Variants in NAALADL2 observed in about 807,000 individuals in gnomAD.
NAALADL2 encodes N-acetylated alpha-linked acidic dipeptidase like 2.
In NAALADL2, 76 loss-of-function variants were observed where a neutral mutation model predicts 87.2. That is an observed-to-expected ratio of 0.87 (90% CI 0.72 to 1.05). NAALADL2 has a LOEUF of 1.05. Ranked by LOEUF, NAALADL2 falls within the 50% of genes least tolerant of loss-of-function variation. The pLI is 0.00. For missense variants in NAALADL2, 1,089 were observed against 945.8 expected, an observed-to-expected ratio of 1.15 and a Z score of -1.99; for synonymous variants, 354 against 331.0, an observed-to-expected ratio of 1.07 and a Z score of -0.75.
intron 5 of NAALADL2, among the ~76,000 whole-genome samples, chr3:175,336,315 A>G (rs1010721892): frequency 6.6e-6 from 1 of 152,210 alleles, no homozygotes; most frequent in South Asian, 2.1e-4. Flanking sequence ...AAAGCACTAC[A>G]GTCTGTAAAA....
intron 10 of NAALADL2, among the ~76,000 whole-genome samples, chr3:175,614,732 T>C (rs890193343): frequency 1.3e-5 from 2 of 152,210 alleles, no homozygotes; most frequent in African/African-American, 4.8e-5. Context: ...TATGAGTGCA[T>C]GCATAAAACT....
At chr3:174,976,915 G>T (rs532576514) in intron 1 of NAALADL2, among the ~76,000 whole-genome samples, 2 of 152,172 alleles carry the variant, frequency 1.3e-5, no homozygotes, top group Admixed American at 6.5e-5. Context: ...TATTGCTTCC[G>T]TATGTTTGGA....
chr3:174,748,432 C>T (rs1346348232), intron 3 of NAALADL2, among the ~76,000 whole-genome samples: 3 of 151,408 alleles, frequency 2.0e-5, no homozygotes. Flanking sequence ...GAACTCAGCT[C>T]TTCTGGTACC....
At chr3:175,400,440 G>C (rs1770418293) in intron 5 of NAALADL2, among the ~76,000 whole-genome samples, 1 of 151,966 alleles carries the variant, frequency 6.6e-6, no homozygotes, top group African/African-American at 2.4e-5. Flanking sequence ...CCTTCTTTGA[G>C]GCCATTTCTT....
chr3:175,621,176 G>A (rs1726184232), intron 10 of NAALADL2, among the ~76,000 whole-genome samples: 1 of 152,136 alleles, frequency 6.6e-6, no homozygotes. Flanking sequence ...TGAAGGTCAG[G>A]TTTCACTGGG....
chr3:175,535,615 TG>T (rs1357575254), intron 9 of NAALADL2, among the ~76,000 whole-genome samples: 2 of 152,146 alleles, frequency 1.3e-5, no homozygotes, highest in African/African-American at 2.4e-5. Flanking sequence ...TTTGTTTTTG[TG>T]GGGGGCAATG....
chr3:175,105,970 A>G (rs1192204836), intron 2 of NAALADL2, among the ~76,000 whole-genome samples: 1 of 151,956 alleles, frequency 6.6e-6, no homozygotes, highest in South Asian at 2.1e-4. Context: ...GTCTTTTTTT[A>G]TCCTGTTAGT....
chr3:174,742,093 C>T (rs1014957787), intron 3 of NAALADL2, among the ~76,000 whole-genome samples: 1 of 151,578 alleles, frequency 6.6e-6, no homozygotes, highest in African/African-American at 2.4e-5. Context: ...ACTCTTATTT[C>T]TCTCTTTCAT....
chr3:175,659,241 C>A (rs548960095), intron 11 of NAALADL2, among the ~76,000 whole-genome samples: 8 of 152,082 alleles, frequency 5.3e-5, no homozygotes, highest in African/African-American at 1.9e-4. Flanking sequence ...AATATTGTTA[C>A]GGCTTTATTT....
intron 2 of NAALADL2, among the ~76,000 whole-genome samples, chr3:175,117,199 T>C (rs986455384): frequency 6.6e-6 from 1 of 152,080 alleles, no homozygotes; most frequent in Non-Finnish European, 1.5e-5. Flanking sequence ...GACATAGGCA[T>C]GGGCAAGGAC....
chr3:174,571,523 G>T (rs900254780), intron 2 of NAALADL2, among the ~76,000 whole-genome samples: 1 of 152,072 alleles, frequency 6.6e-6, no homozygotes, highest in African/African-American at 2.4e-5. Flanking sequence ...GGGATTACAG[G>T]CATGTGCCAC....
intron 12 of NAALADL2, among the ~76,000 whole-genome samples, chr3:175,754,883 C>G (rs1246440545): frequency 6.6e-6 from 1 of 152,092 alleles, no homozygotes; most frequent in Non-Finnish European, 1.5e-5. Flanking sequence ...GGTACAGTAC[C>G]TATTTACTGT....
intron 3 of NAALADL2, among the ~76,000 whole-genome samples, chr3:174,825,738 T>G (rs975992130): frequency 6.6e-6 from 1 of 152,102 alleles, no homozygotes; most frequent in Non-Finnish European, 1.5e-5. Context: ...CTTAAACATC[T>G]TTTGAAGGGC....
intron 1 of NAALADL2, among the ~76,000 whole-genome samples, chr3:174,522,095 T>C (rs1468647137): frequency 6.6e-6 from 1 of 152,058 alleles, no homozygotes; most frequent in African/African-American, 2.4e-5. Context: ...TGAGACTCTG[T>C]CTCAAAAGAA....
chr3:174,893,688 C>A (rs1041345300), intron 1 of NAALADL2, among the ~76,000 whole-genome samples: 1 of 151,884 alleles, frequency 6.6e-6, no homozygotes, highest in Non-Finnish European at 1.5e-5. Flanking sequence ...CTCATGGTAA[C>A]CTCAACCAAT....
intron 2 of NAALADL2, among the ~76,000 whole-genome samples, chr3:175,148,085 G>A (rs897008830): frequency 1.4e-4 from 15 of 110,340 alleles, no homozygotes; most frequent in East Asian, 5.1e-4. Context: ...TAATAATAAT[G>A]ATAATGATAA....
At chr3:175,451,119 T>C (rs1721502988) in intron 6 of NAALADL2, among the ~76,000 whole-genome samples, 1 of 152,156 alleles carries the variant, frequency 6.6e-6, no homozygotes, top group Non-Finnish European at 1.5e-5. Context: ...TGAAGCCAAA[T>C]CTATTGAACT....
chr3:174,825,680 C>T (rs1253571544), intron 3 of NAALADL2, among the ~76,000 whole-genome samples: 1 of 152,208 alleles, frequency 6.6e-6, no homozygotes, highest in Non-Finnish European at 1.5e-5. Context: ...ATTCCTTAAA[C>T]ATTCCTGTGG....
At chr3:175,511,920 A>G (rs2149396210) in intron 9 of NAALADL2, among the ~76,000 whole-genome samples, 1 of 152,302 alleles carries the variant, frequency 6.6e-6, no homozygotes, top group African/African-American at 2.4e-5. Flanking sequence ...GCTTCAATCA[A>G]TAGTCCTGTC....
Sources: gnomAD v4.1 joint callset for allele counts (sites outside exome capture counted in the v4.1 genomes callset) on GRCh38, gnomAD v4.1.1 for gene constraint, MANE v1.5 for transcripts, NCBI Gene and HGNC (gene_info 2026-07-23, HGNC 2026-07-21) for gene names.